SKAP1: variants seen among roughly 807,000 people sequenced by gnomAD.
SKAP1 encodes the protein src kinase-associated phosphoprotein 1.
A neutral mutation model predicts 58.5 loss-of-function variants in SKAP1; 44 were observed. That is an observed-to-expected ratio of 0.75 (90% CI 0.59 to 0.97). SKAP1 has a LOEUF of 0.97. SKAP1 is among the 50% of genes least tolerant of loss of function. The pLI is 0.00. For synonymous variants in SKAP1, 127 were observed against 149.7 expected (o/e 0.85, Z 1.11); for missense variants, 390 against 435.2 (o/e 0.90, Z 0.92).
chr17:48,196,766 A>C (rs1454956214), intron 4 of SKAP1: 1 of 152,244 alleles, frequency 6.6e-6, no homozygotes, highest in African/African-American at 2.4e-5. Flanking sequence ...ATTTTAGTAT[A>C]TATGCTGCCA....
intron 1 of SKAP1, among the ~76,000 whole-genome samples, chr17:48,413,253 G>A (rs561997462): frequency 2.0e-5 from 3 of 151,744 alleles, no homozygotes; most frequent in Non-Finnish European, 4.4e-5. Flanking sequence ...AGTAGCTCAC[G>A]CCTGTAATCC....
intron 4 of SKAP1, among the ~76,000 whole-genome samples, chr17:48,314,339 CA>C (rs2066262173): frequency 6.6e-6 from 1 of 152,122 alleles, no homozygotes; most frequent in South Asian, 2.1e-4. Context: ...GGAAAGAAAA[CA>C]CCGATAAAGT....
intron 2 of SKAP1, among the ~76,000 whole-genome samples, chr17:48,368,537 A>G (rs2067039727): frequency 1.3e-5 from 2 of 152,242 alleles, no homozygotes; most frequent in Non-Finnish European, 2.9e-5. Context: ...GCCTGTGCAG[A>G]TAGATAACAA....
intron 4 of SKAP1, among the ~76,000 whole-genome samples, chr17:48,282,804 G>A (rs2065783646): frequency 6.6e-6 from 1 of 151,884 alleles, no homozygotes; most frequent in Non-Finnish European, 1.5e-5. Flanking sequence ...AAGAAAAAAA[G>A]AAACTGCCCT....
At chr17:48,178,472 T>C (rs554768494) in intron 9 of SKAP1, among the ~76,000 whole-genome samples, 1 of 152,306 alleles carries the variant, frequency 6.6e-6, no homozygotes, top group South Asian at 2.1e-4. Context: ...TAGGGAGTAT[T>C]GTGAATTAGA....
At chr17:48,435,429 ACT>A in the SKAP1 span, among the ~76,000 whole-genome samples, 1 of 152,126 alleles carries the variant, frequency 6.6e-6, no homozygotes, top group African/African-American at 2.4e-5. Flanking sequence ...TGAGCTGTGC[ACT>A]CTGAGTGAGA....
intron 4 of SKAP1, among the ~76,000 whole-genome samples, chr17:48,309,587 G>C (rs9890488): frequency 0.33 from 50,734 of 151,976 alleles, 9,166 homozygotes; most frequent in African/African-American, 0.47. Context: ...ATATACATAT[G>C]TGTTGGTATA....
chr17:48,441,174 T>G, the SKAP1 span, among the ~76,000 whole-genome samples: 1 of 152,218 alleles, frequency 6.6e-6, no homozygotes, highest in African/African-American at 2.4e-5. Flanking sequence ...TTCATAGGGT[T>G]GCATGAAACA....
At chr17:48,341,539 A>G (rs1302812895) in intron 4 of SKAP1, among the ~76,000 whole-genome samples, 1 of 152,180 alleles carries the variant, frequency 6.6e-6, no homozygotes. Flanking sequence ...TTATTTCCAG[A>G]ATATTCTCTA....
At chr17:48,392,724 G>A (rs950104211) in intron 2 of SKAP1, among the ~76,000 whole-genome samples, 2 of 151,946 alleles carry the variant, frequency 1.3e-5, no homozygotes, top group South Asian at 4.2e-4. Flanking sequence ...GCCAGGTGTG[G>A]TGGCTCATGC....
intron 11 of SKAP1, among the ~76,000 whole-genome samples, chr17:48,137,807 A>C (rs2063719625): frequency 6.6e-6 from 1 of 152,252 alleles, no homozygotes; most frequent in Non-Finnish European, 1.5e-5. Flanking sequence ...CTTACAGCAG[A>C]GTAATGGGCT....
intron 6 of SKAP1, among the ~76,000 whole-genome samples, chr17:48,187,030 G>A (rs890493965): frequency 1.3e-5 from 2 of 152,294 alleles, no homozygotes; most frequent in Admixed American, 6.5e-5. Flanking sequence ...TCCCTCTTGC[G>A]TCTTAGAATT....
At chr17:48,162,953 T>A (rs561607318) in intron 10 of SKAP1, among the ~76,000 whole-genome samples, 1 of 152,356 alleles carries the variant, frequency 6.6e-6, no homozygotes, top group East Asian at 1.9e-4. Flanking sequence ...ATTATGCATT[T>A]GAAGGATCAG....
chr17:48,135,707 G>A (rs1014442004), intron 12 of SKAP1, among the ~76,000 whole-genome samples: 7 of 152,104 alleles, frequency 4.6e-5, no homozygotes, highest in Non-Finnish European at 5.9e-5. Flanking sequence ...CTGATCTCAA[G>A]TGATCCTCCT....
intron 2 of SKAP1, among the ~76,000 whole-genome samples, chr17:48,381,791 T>G (rs1237494407): frequency 6.6e-6 from 1 of 152,196 alleles, no homozygotes; most frequent in Non-Finnish European, 1.5e-5. Flanking sequence ...ATGATTTGGT[T>G]TATTCTGCTC....
chr17:48,216,854 T>C (rs566609063), intron 4 of SKAP1, among the ~76,000 whole-genome samples: 1 of 152,308 alleles, frequency 6.6e-6, no homozygotes, highest in South Asian at 2.1e-4. Context: ...AGAATGCATG[T>C]TCTTTCATGG....
intron 2 of SKAP1, among the ~76,000 whole-genome samples, chr17:48,392,721 G>A (rs2067364590): frequency 1.3e-5 from 2 of 151,880 alleles, no homozygotes; most frequent in South Asian, 2.1e-4. Context: ...TTAGCCAGGT[G>A]TGGTGGCTCA....
chr17:48,410,934 CAA>C lies in SKAP1; in HGVS notation c.47-14151_47-14150del, dbSNP rs61705374. Among the ~76,000 whole-genome samples the C allele has an allele frequency of 6.0e-5, 4 of 66,970 alleles. No individual in the cohort carries two copies. The Admixed American group carries it at 6.9e-4, about 12-fold the overall frequency. The allele number at this position is 66,970 out of a possible 152,430, so 43.9% of individuals were successfully genotyped here. ...AGAGCGACAGAGCGAGACTCCATTTCAAAAAAAAAAAAAAAAAAAAAAAGAAA... is the reference window on the plus strand; with the variant it reads ...AGAGCGACAGAGCGAGACTCCATTTCAAAAAAAAAAAAAAAAAAAAAGAAA... On this transcript the variant is annotated intron_variant, in intron 1 of 12. Coordinates refer to ENST00000336915, the MANE Select transcript of SKAP1 (RefSeq NM_003726.4).
At chr17:48,234,798 TAATACAAAATG>T (rs1044358389) in intron 4 of SKAP1, among the ~76,000 whole-genome samples, 17 of 152,254 alleles carry the variant, frequency 1.1e-4, no homozygotes, top group African/African-American at 3.9e-4. Flanking sequence ...ATGTATGCAT[TAATACAAAATG>T]AATAAAGGAG....
Sources: gnomAD v4.1 joint callset for allele counts (sites outside exome capture counted in the v4.1 genomes callset) on GRCh38, gnomAD v4.1.1 for gene constraint, MANE v1.5 for transcripts, NCBI Gene and HGNC (gene_info 2026-07-23, HGNC 2026-07-21) for gene names.